The following ABR variants were observed in gnomAD, a reference collection of about 807,000 sequenced individuals.
ABR encodes ABR activator of RhoGEF and GTPase.
Under a neutral mutation model 107.2 loss-of-function variants are expected in ABR, and 35 were observed. The observed-to-expected ratio is 0.33, with a 90% CI of 0.25 to 0.43. ABR has a LOEUF of 0.43. ABR is among the 20% of genes least tolerant of loss of function. The pLI is 1.00. For synonymous variants in ABR, 498 were observed against 462.0 expected (o/e 1.08, Z -1.00); for missense variants, 815 against 1,115.2 (o/e 0.73, Z 3.83).
chr17:1,101,752 G>A (rs1394418161), intron 2 of ABR, among the ~76,000 whole-genome samples: 2 of 141,468 alleles, frequency 1.4e-5, no homozygotes, highest in East Asian at 2.1e-4. Context: ...TTTTTTTTTA[G>A]AGACGGAGTC....
intron 12 of ABR, 30 bp from the exon 13 acceptor site, chr17:1,057,132 G>T: frequency 1.4e-6 from 2 of 1,472,496 alleles, no homozygotes; most frequent in Non-Finnish European, 9.5e-7. Context: ...AGAAGGGAGC[G>T]TGGGCACTGG....
intron 14 of ABR, among the ~76,000 whole-genome samples, chr17:1,054,453 G>T (rs2032977576): frequency 6.7e-6 from 1 of 149,000 alleles, no homozygotes; most frequent in African/African-American, 2.6e-5. Flanking sequence ...GAGCAGGATG[G>T]GGGCACAAGG....
At chr17:1,032,660 G>GCAGAGGACGCCACAGGCAA (rs1473480086) in intron 16 of ABR, among the ~76,000 whole-genome samples, 1 of 149,058 alleles carries the variant, frequency 6.7e-6, no homozygotes. Flanking sequence ...CGTGCTGGGC[G>GCAGAGGACGCCACAGGCAA]CCTTGAGAGA....
intron 1 of ABR, among the ~76,000 whole-genome samples, chr17:1,225,867 C>G (rs1274796259): frequency 1.3e-5 from 2 of 152,202 alleles, no homozygotes; most frequent in African/African-American, 2.4e-5. Flanking sequence ...AGTCAAATAA[C>G]TTCTCCCAAT....
At chr17:1,099,427 C>T (rs570383567) in intron 3 of ABR, among the ~76,000 whole-genome samples, 35 of 152,256 alleles carry the variant, frequency 2.3e-4, no homozygotes, top group Non-Finnish European at 4.6e-4. Flanking sequence ...TGTCAAGTCC[C>T]CTGGGACACT....
intron 16 of ABR, among the ~76,000 whole-genome samples, chr17:1,028,323 G>A (rs2072410531): frequency 2.0e-5 from 3 of 149,948 alleles, no homozygotes; most frequent in Admixed American, 1.3e-4. Flanking sequence ...GGTCTCGAAC[G>A]CCTGACCTCA....
chr17:1,183,365 C>T (rs970190331), upstream of ABR, among the ~76,000 whole-genome samples: 1 of 152,082 alleles, frequency 6.6e-6, no homozygotes, highest in Non-Finnish European at 1.5e-5. Flanking sequence ...CCCAGGGTGA[C>T]CTGCCTGCTC....
At chr17:1,202,855 G>A (rs2042695581) in intron 1 of ABR, among the ~76,000 whole-genome samples, 1 of 150,114 alleles carries the variant, frequency 6.7e-6, no homozygotes. Context: ...TACTATTTAG[G>A]TTGGTGCAAA....
intron 1 of ABR, among the ~76,000 whole-genome samples, chr17:1,170,340 G>T (rs749981589): frequency 1.3e-5 from 2 of 152,184 alleles, no homozygotes; most frequent in Non-Finnish European, 2.9e-5. Context: ...GGGTAAGAGT[G>T]CGGGAGAAAG....
Position 1,017,464 on chromosome 17 carries a change from CTTTT to C in ABR, c.1792-4304_1792-4301del, listed in dbSNP as rs61229673. Reference sequence around the variant, plus strand: ...AAACATTCTGGAGCGGCCATGCCCTCTTTTTTTTTTTTTTTTTTTTTTGAGACAG... The same window carrying C: ...AAACATTCTGGAGCGGCCATGCCCTCTTTTTTTTTTTTTTTTTTGAGACAG... On this transcript the variant is annotated intron_variant, in intron 16 of 22. Coordinates refer to ENST00000302538, the MANE Select transcript of ABR (RefSeq NM_021962.5). 1.5e-3 allele frequency among the ~76,000 whole-genome samples: 159 copies of C among 104,562 alleles called. 1 individual carries two copies. The highest frequency in any genetic ancestry group is 5.9e-3 in the African/African-American group (149 of 25,326). The allele number at this position is 104,562 out of a possible 152,430, so 68.6% of individuals were successfully genotyped here.
chr17:1,058,112 G>GAGTAC, intron 11 of ABR, 67 bp from the exon 12 acceptor site: 1 of 1,043,936 alleles, frequency 9.6e-7, no homozygotes, highest in Non-Finnish European at 1.5e-6. Context: ...CAGATCCTGG[G>GAGTAC]GACCCCAACA....
rs779848002 is a variant in ABR at position 1,011,856 on chromosome 17, G to A, written c.2091C>T (p.Val697=). The change falls in exon 19 of 23, where the codon GTC becomes GTT. Residue 697 remains valine, a synonymous_variant. Transcript: ENST00000302538. This position sits in a 1 kb window ranked among gnomAD's most constrained non-coding sequence, Gnocchi z 4.8. ...VATDIQALKA[V]FDANNKDILL... ...GCCTCCCAGACTCACTGGCATCGAAGACGGCCTTGAGCGCCTGGATGTCCG... is the reference window on the plus strand; with the variant it reads ...GCCTCCCAGACTCACTGGCATCGAAAACGGCCTTGAGCGCCTGGATGTCCG... 1.9e-6 allele frequency: 3 copies of A among 1,579,314 alleles called. No individual in the cohort carries two copies. Among genetic ancestry groups the A allele is most frequent in the Non-Finnish European group, 2.6e-6 (3 of 1,155,494 alleles).
rs1008038801 is a variant in ABR at position 1,179,498 on chromosome 17, C to CGACCCCGATCCG, written c.61+157_61+168dup. ...CCGACCCCGATCCCGATTCCCAACCCGACCCCGATCCGGACCCCGATCTCG... is the reference window on the plus strand; with the variant it reads ...CCGACCCCGATCCCGATTCCCAACCCGACCCCGATCCGGACCCCGATCCGGACCCCGATCTCG... On this transcript the variant is annotated intron_variant, in intron 1 of 22. Transcript: ENST00000302538. The surrounding 1 kb of genome is among the most constrained non-coding windows in gnomAD (Gnocchi z 4.9). Among the ~76,000 whole-genome samples the CGACCCCGATCCG allele has an allele frequency of 6.6e-6, 1 of 151,742 alleles. No homozygotes were observed. Among genetic ancestry groups the CGACCCCGATCCG allele is most frequent in the African/African-American group, 2.4e-5 (1 of 41,328 alleles).
intron 16 of ABR, among the ~76,000 whole-genome samples, chr17:1,014,407 C>G (rs1289373524): frequency 6.7e-6 from 1 of 148,502 alleles, no homozygotes; most frequent in African/African-American, 2.5e-5. Flanking sequence ...CGCCACTGCA[C>G]TCCAGCCTGG....
chr17:1,065,806 C>T (rs576473949), intron 10 of ABR, among the ~76,000 whole-genome samples: 28 of 144,772 alleles, frequency 1.9e-4, no homozygotes, highest in East Asian at 6.1e-4. Context: ...AGTGCAGCAG[C>T]GGAATCTCAG....
chr17:1,188,962 T>G (rs939034280), upstream of ABR, among the ~76,000 whole-genome samples: 1 of 152,198 alleles, frequency 6.6e-6, no homozygotes, highest in South Asian at 2.1e-4. Flanking sequence ...AAATTTTCCA[T>G]AAAGCACTTT....
exon 1 of ABR, chr17:1,186,829 CGCCA>C (rs572261441): frequency 1.4e-4 from 22 of 152,478 alleles, no homozygotes; most frequent in African/African-American, 5.3e-4. Flanking sequence ...TTCAGAAAGA[CGCCA>C]GCAGAAGAGT....
chr17:1,223,663 G>A (rs1484437968), intron 1 of ABR, among the ~76,000 whole-genome samples: 1 of 152,192 alleles, frequency 6.6e-6, no homozygotes, highest in African/African-American at 2.4e-5. Context: ...ATAAAGGAAA[G>A]AGGTTTAATT....
intron 1 of ABR, among the ~76,000 whole-genome samples, chr17:1,160,306 A>T (rs923133860): frequency 6.6e-6 from 1 of 151,280 alleles, no homozygotes; most frequent in African/African-American, 2.4e-5. Context: ...ACACACACAC[A>T]CAAAAGGACT....
Sources: gnomAD v4.1 joint callset for allele counts (sites outside exome capture counted in the v4.1 genomes callset) on GRCh38, gnomAD v4.1.1 for gene constraint, Gnocchi (gnomAD v3.1) non-coding constraint, MANE v1.5 for transcripts, NCBI Gene and HGNC (gene_info 2026-07-23, HGNC 2026-07-21) for gene names.